The following ARHGAP26 variants were observed in gnomAD, a reference collection of about 807,000 sequenced individuals.
ARHGAP26 encodes the protein Rho GTPase activating protein 26.
ARHGAP26 carries 38 observed loss-of-function variants against 104.8 expected under a neutral mutation model. That is an observed-to-expected ratio of 0.36 (90% CI 0.28 to 0.48). The LOEUF (loss-of-function observed/expected upper bound fraction) is 0.48. Among genes scored for constraint, ARHGAP26 ranks in the 20% least tolerant of loss-of-function variants. The probability of loss-of-function intolerance (pLI) is 0.99; values close to 1 mark genes in which losing one functional copy is unlikely to be tolerated. For synonymous variants in ARHGAP26, 341 were observed against 340.0 expected, an observed-to-expected ratio of 1.00 and a Z score of -0.03; for missense variants, 704 against 947.9, an observed-to-expected ratio of 0.74 and a Z score of 3.38.
intron 20 of ARHGAP26, among the ~76,000 whole-genome samples, chr5:143,191,246 T>C (rs986741849): frequency 6.6e-6 from 1 of 152,262 alleles, no homozygotes; most frequent in Non-Finnish European, 1.5e-5. Flanking sequence ...TAAATGTTGA[T>C]AACTGTTGTT....
intron 10 of ARHGAP26, among the ~76,000 whole-genome samples, chr5:142,926,499 G>A (rs1431503417): frequency 6.6e-6 from 1 of 152,176 alleles, no homozygotes; most frequent in East Asian, 1.9e-4. Flanking sequence ...CGGGTGGAGG[G>A]AGCTCCTTGG....
At chr5:143,088,528 T>A (rs1421513528) in intron 17 of ARHGAP26, among the ~76,000 whole-genome samples, 1 of 152,158 alleles carries the variant, frequency 6.6e-6, no homozygotes, top group Non-Finnish European at 1.5e-5. Flanking sequence ...CCTATAACAT[T>A]TAAATTTCAT....
chr5:142,845,936 G>A (rs1044155782), intron 1 of ARHGAP26, among the ~76,000 whole-genome samples: 2 of 151,982 alleles, frequency 1.3e-5, no homozygotes, highest in African/African-American at 4.8e-5. Context: ...TTTTCTCCTT[G>A]TTTCCTCACC....
chr5:143,171,242 A>T (rs1253865416), intron 20 of ARHGAP26, among the ~76,000 whole-genome samples: 2 of 152,280 alleles, frequency 1.3e-5, no homozygotes, highest in Non-Finnish European at 2.9e-5. Flanking sequence ...CATTTTACAG[A>T]TGGGGAAACT....
At chr5:142,869,206 TTC>T (rs1438030959) in intron 1 of ARHGAP26, among the ~76,000 whole-genome samples, 2 of 150,872 alleles carry the variant, frequency 1.3e-5, no homozygotes, top group East Asian at 1.9e-4. Flanking sequence ...TTTTTCTTTT[TTC>T]TTTTTTTTTT....
At chr5:142,824,608 G>T (rs1466986385) in intron 1 of ARHGAP26, among the ~76,000 whole-genome samples, 2 of 152,178 alleles carry the variant, frequency 1.3e-5, no homozygotes, top group African/African-American at 4.8e-5. Context: ...TTAAAAGGAG[G>T]TTGATTACAC....
chr5:142,776,248 C>T (rs1157696314), intron 1 of ARHGAP26, among the ~76,000 whole-genome samples: 1 of 152,192 alleles, frequency 6.6e-6, no homozygotes, highest in African/African-American at 2.4e-5. Flanking sequence ...GCTGCGATTA[C>T]AGGCATGAAC....
intron 21 of ARHGAP26, among the ~76,000 whole-genome samples, chr5:143,212,776 T>C (rs915951772): frequency 6.6e-6 from 1 of 152,188 alleles, no homozygotes; most frequent in Non-Finnish European, 1.5e-5. Context: ...GCAGAGAAAG[T>C]TTGCCACCTT....
At chr5:143,090,637 T>C (rs889345780) in intron 17 of ARHGAP26, among the ~76,000 whole-genome samples, 5 of 152,236 alleles carry the variant, frequency 3.3e-5, no homozygotes, top group African/African-American at 1.2e-4. Flanking sequence ...GGGGGAGAAC[T>C]TGAGGGTTTG....
intron 17 of ARHGAP26, among the ~76,000 whole-genome samples, chr5:143,096,527 C>T (rs1009328020): frequency 2.0e-5 from 3 of 152,222 alleles, no homozygotes; most frequent in African/African-American, 7.2e-5. Context: ...GTTCAGCTTG[C>T]AACTCAGTCG....
chr5:143,171,046 G>A (rs757558466), intron 20 of ARHGAP26, among the ~76,000 whole-genome samples: 7 of 152,134 alleles, frequency 4.6e-5, no homozygotes, highest in Non-Finnish European at 8.8e-5. Flanking sequence ...AAAAGAGCAG[G>A]AAATCCTTGA....
At position 142,833,329 on chromosome 5, in the gene ARHGAP26, A is replaced by G. The variant is rs537885733; in HGVS notation, c.155-40071A>G. Reference sequence around the variant, plus strand: ...GCCTGCCTCAGCCTCCCAAAGTGCTAGGATTACAGGCATGAGCCACTGTGC... The same window carrying G: ...GCCTGCCTCAGCCTCCCAAAGTGCTGGGATTACAGGCATGAGCCACTGTGC... On this transcript the variant is annotated intron_variant, in intron 1 of 22. Coordinates refer to ENST00000645722, the MANE Select transcript of ARHGAP26 (RefSeq NM_001135608.3). 2.5e-3 allele frequency among the ~76,000 whole-genome samples: 384 copies of G among 151,670 alleles called. 1 individual carries two copies. The highest frequency in any genetic ancestry group is 9.0e-3 in the African/African-American group (372 of 41,378).
intron 11 of ARHGAP26, among the ~76,000 whole-genome samples, chr5:143,000,383 A>C (rs1259525928): frequency 6.6e-6 from 1 of 152,266 alleles, no homozygotes; most frequent in Non-Finnish European, 1.5e-5. Flanking sequence ...GGTGTCCATC[A>C]ACAGAGGAAT....
chr5:143,103,244 T>C (rs893815641), intron 17 of ARHGAP26: 2 of 984,970 alleles, frequency 2.0e-6, no homozygotes, highest in African/African-American at 3.5e-5. Context: ...GGGAAAAAGT[T>C]CAATATCATT....
chr5:142,851,175 C>T (rs1337144881), intron 1 of ARHGAP26, among the ~76,000 whole-genome samples: 1 of 151,438 alleles, frequency 6.6e-6, no homozygotes, highest in Non-Finnish European at 1.5e-5. Context: ...CGGCTCACTG[C>T]AAGCTCTGCC....
intron 11 of ARHGAP26, among the ~76,000 whole-genome samples, chr5:142,946,389 T>G (rs1767106734): frequency 6.6e-6 from 1 of 152,210 alleles, no homozygotes; most frequent in Non-Finnish European, 1.5e-5. Context: ...TGACCCTCTT[T>G]CAGATATTGG....
At chr5:142,852,229 A>G (rs1238970860) in intron 1 of ARHGAP26, among the ~76,000 whole-genome samples, 2 of 152,228 alleles carry the variant, frequency 1.3e-5, no homozygotes, top group South Asian at 4.1e-4. Context: ...GGTCAGAGGT[A>G]GTTTAGAAGG....
At chr5:143,079,942 T>C (rs2108645) in intron 17 of ARHGAP26, among the ~76,000 whole-genome samples, 6,453 of 152,254 alleles carry the variant, frequency 0.042, 615 homozygotes, top group East Asian at 0.41. Flanking sequence ...AAGCCAGCTG[T>C]CACATAGCTC....
chr5:143,214,628 G>A (rs1178085878), intron 22 of ARHGAP26, among the ~76,000 whole-genome samples: 1 of 152,200 alleles, frequency 6.6e-6, no homozygotes, highest in Non-Finnish European at 1.5e-5. Context: ...CCAGAGCAGA[G>A]ATGAGTTCCT....
Sources: gnomAD v4.1 joint callset for allele counts (sites outside exome capture counted in the v4.1 genomes callset) on GRCh38, gnomAD v4.1.1 for gene constraint, MANE v1.5 for transcripts, NCBI Gene and HGNC (gene_info 2026-07-23, HGNC 2026-07-21) for gene names.